FDFT1: variants seen among roughly 807,000 people sequenced by gnomAD.
The protein encoded by FDFT1 is squalene synthase.
FDFT1 carries 68 observed loss-of-function variants against 46.8 expected under a neutral mutation model. The observed-to-expected ratio is 1.45, with a 90% CI of 1.19 to 1.78. The LOEUF is 1.78. Among genes scored for constraint, FDFT1 ranks in the 40% most tolerant of loss-of-function variants. The pLI is 0.00. For synonymous variants in FDFT1, 351 were observed against 185.1 expected (o/e 1.90, Z -7.28); for missense variants, 928 against 524.4 (o/e 1.77, Z -7.52).
At chr8:11,837,809 C>T (rs1326538553) in intron 7 of FDFT1, among the ~76,000 whole-genome samples, 4 of 152,124 alleles carry the variant, frequency 2.6e-5, no homozygotes, top group African/African-American at 7.2e-5. Flanking sequence ...GGCCTAATCT[C>T]AGGCAGTAAT....
chr8:11,803,695 C>G (rs528293262), intron 1 of FDFT1: 1 of 283,296 alleles, frequency 3.5e-6, no homozygotes, highest in Non-Finnish European at 6.6e-6. Flanking sequence ...ATTTCTGTAA[C>G]TTTTTTGGGC....
upstream of FDFT1, among the ~76,000 whole-genome samples, chr8:11,797,518 G>C (rs1805679857): frequency 1.3e-5 from 1 of 74,304 alleles, no homozygotes; most frequent in Non-Finnish European, 2.8e-5. Flanking sequence ...GCCAATGTTT[G>C]TTGCATTTAA....
intron 7 of FDFT1, among the ~76,000 whole-genome samples, chr8:11,832,802 C>T (rs750080345): frequency 2.0e-5 from 3 of 152,048 alleles, no homozygotes; most frequent in Non-Finnish European, 4.4e-5. Flanking sequence ...GAGAATGAAA[C>T]ACTGTAGACT....
chr8:11,806,288 G>A (rs181025065), intron 1 of FDFT1, among the ~76,000 whole-genome samples: 2 of 152,300 alleles, frequency 1.3e-5, no homozygotes, highest in East Asian at 1.9e-4. Flanking sequence ...ACAGGCACCA[G>A]TAGCCTGAGC....
At chr8:11,809,626 C>A (rs529760734) in intron 2 of FDFT1, 41 bp from the exon 3 acceptor site, 2 of 1,522,372 alleles carry the variant, frequency 1.3e-6, no homozygotes, top group East Asian at 2.3e-5. Flanking sequence ...AAATCTTTGG[C>A]TGTTTGTTCC....
Position 11,838,518 on chromosome 8 carries a change from C to A in FDFT1, c.1163C>A (p.Ser388Ter). The A allele has an allele frequency of 1.2e-6, 2 of 1,608,852 alleles. No individual in the cohort carries two copies. The highest frequency in any genetic ancestry group is 8.5e-7 in the Non-Finnish European group (1 of 1,177,094). ...SRSHYSPIYL[S>*]FVMLLAALSW... ...AGCCACTACTCCCCCATCTACCTGT[C>A]GTTTGTCATGCTTTTGGCTGCCCTG... Residue 388 changes from serine (S) to a stop codon, truncating the protein, a stop_gained, in exon 8 of 8, where the codon TCG becomes TAG. Coordinates refer to ENST00000220584, the MANE Select transcript of FDFT1 (RefSeq NM_004462.5). LOFTEE classifies it high-confidence loss of function.
chr8:11,800,848 G>A (rs180751669), upstream of FDFT1, among the ~76,000 whole-genome samples: 1 of 152,202 alleles, frequency 6.6e-6, no homozygotes, highest in Non-Finnish European at 1.5e-5. Flanking sequence ...TACCGTCATG[G>A]CTGGAAACTA....
intron 5 of FDFT1, among the ~76,000 whole-genome samples, chr8:11,828,729 G>T (rs561773607): frequency 6.6e-6 from 1 of 152,264 alleles, no homozygotes; most frequent in East Asian, 1.9e-4. Context: ...GCTTAGTAAA[G>T]GTTCTGGACA....
chr8:11,828,733 C>T (rs749398562), intron 5 of FDFT1, among the ~76,000 whole-genome samples: 1 of 152,216 alleles, frequency 6.6e-6, no homozygotes, highest in Non-Finnish European at 1.5e-5. Context: ...AGTAAAGGTT[C>T]TGGACATTTC....
chr8:11,814,495 T>C (rs1026801174), intron 3 of FDFT1, among the ~76,000 whole-genome samples: 4 of 152,194 alleles, frequency 2.6e-5, no homozygotes, highest in Non-Finnish European at 5.9e-5. Context: ...TTGCATACTT[T>C]CAATGTTTAA....
upstream of FDFT1, among the ~76,000 whole-genome samples, chr8:11,797,585 G>C (rs1312772485): frequency 7.5e-6 from 1 of 133,056 alleles, no homozygotes; most frequent in African/African-American, 2.8e-5. Flanking sequence ...TTAATCCTAG[G>C]AGTTTGAGCC....
rs183579036 is a variant in FDFT1, at chr8:11,811,855, G to A, written c.381+2005G>A. On this transcript the variant is annotated intron_variant, in intron 3 of 7. Transcript: ENST00000220584. Reference sequence around the variant, plus strand: ...GCATATATAATTTTAAGCTACTTGAGTTGTAGGTCCCTCCAGTCTGTGATT... The same window carrying A: ...GCATATATAATTTTAAGCTACTTGAATTGTAGGTCCCTCCAGTCTGTGATT... Among the ~76,000 whole-genome samples, 1,031 of 152,340 alleles carry A rather than the reference G, an allele frequency of 6.8e-3. 5 individuals are homozygous for A. Among genetic ancestry groups the A allele is most frequent in the Admixed American group, 0.017 (265 of 15,308 alleles).
intron 3 of FDFT1, among the ~76,000 whole-genome samples, chr8:11,811,087 G>A (rs533042460): frequency 1.3e-4 from 20 of 152,144 alleles, no homozygotes; most frequent in Admixed American, 3.3e-4. Context: ...AGAATAATTC[G>A]AGTTTATACA....
upstream of FDFT1, among the ~76,000 whole-genome samples, chr8:11,798,700 G>A (rs1463109187): frequency 6.6e-6 from 1 of 152,152 alleles, no homozygotes; most frequent in Non-Finnish European, 1.5e-5. Context: ...AGGCACCATC[G>A]TGTCCTATAC....
At chr8:11,800,027 C>T (rs568444634), upstream of FDFT1, among the ~76,000 whole-genome samples, 46 of 126,732 alleles carry the variant, frequency 3.6e-4, 2 homozygotes, top group South Asian at 0.011. Context: ...TTTGGGAGGC[C>T]GAGGAGGGTG....
At chr8:11,825,323 G>C (rs958824852) in intron 4 of FDFT1, among the ~76,000 whole-genome samples, 4 of 151,982 alleles carry the variant, frequency 2.6e-5, no homozygotes, top group Non-Finnish European at 5.9e-5. Context: ...TGGCAGATCA[G>C]TTGAGGTCAG....
At chr8:11,814,223 T>C (rs1808129903) in intron 3 of FDFT1, among the ~76,000 whole-genome samples, 1 of 152,212 alleles carries the variant, frequency 6.6e-6, no homozygotes, top group Non-Finnish European at 1.5e-5. Flanking sequence ...GAATTACCTT[T>C]TGACATTGGC....
At chr8:11,802,547 T>G (rs781776996), upstream of FDFT1, 1 of 579,254 alleles carries the variant, frequency 1.7e-6, no homozygotes, top group Non-Finnish European at 3.3e-6. Flanking sequence ...TCTAGAGTGT[T>G]ATCACGCCAG....
intron 5 of FDFT1, among the ~76,000 whole-genome samples, chr8:11,829,403 C>G (rs75722798): frequency 0.14 from 20,798 of 152,150 alleles, 1,544 homozygotes; most frequent in Middle Eastern, 0.16. Flanking sequence ...ATTTCACTTT[C>G]AAGTTATCAG....
Sources: gnomAD v4.1 joint callset for allele counts (sites outside exome capture counted in the v4.1 genomes callset) on GRCh38, gnomAD v4.1.1 for gene constraint, MANE v1.5 for transcripts, NCBI Gene and HGNC (gene_info 2026-07-23, HGNC 2026-07-21) for gene names.